Variants in DPP10 observed in about 807,000 individuals in gnomAD.
DPP10 encodes the protein inactive dipeptidyl peptidase 10.
Under a neutral mutation model 120.9 loss-of-function variants are expected in DPP10, and 33 were observed. The observed-to-expected ratio is 0.27, with a 90% CI of 0.21 to 0.37. The LOEUF is 0.37. Ranked by LOEUF, DPP10 falls within the 10% of genes least tolerant of loss-of-function variation. The pLI is 1.00. For synonymous variants in DPP10, 337 were observed against 326.1 expected, an observed-to-expected ratio of 1.03 and a Z score of -0.36; for missense variants, 816 against 942.8, an observed-to-expected ratio of 0.87 and a Z score of 1.76.
chr2:115,316,182 C>T (rs1351364342), intron 2 of DPP10, among the ~76,000 whole-genome samples: 2 of 152,034 alleles, frequency 1.3e-5, no homozygotes, highest in Non-Finnish European at 2.9e-5. Context: ...TGCATAGATA[C>T]TATTCATTTA....
At chr2:115,098,268 G>A (rs900397326) in intron 1 of DPP10, among the ~76,000 whole-genome samples, 1 of 152,158 alleles carries the variant, frequency 6.6e-6, no homozygotes, top group East Asian at 1.9e-4. Flanking sequence ...CCTAATGAGA[G>A]AAATAGATGG....
intron 1 of DPP10, among the ~76,000 whole-genome samples, chr2:114,702,123 G>A (rs1270123594): frequency 1.3e-5 from 2 of 152,106 alleles, no homozygotes; most frequent in Non-Finnish European, 2.9e-5. Flanking sequence ...ACATTAGACT[G>A]TAAGTTACAT....
intron 1 of DPP10, among the ~76,000 whole-genome samples, chr2:114,783,667 T>C (rs1223881190): frequency 6.6e-6 from 1 of 151,776 alleles, no homozygotes; most frequent in Non-Finnish European, 1.5e-5. Flanking sequence ...CGAAAACCCA[T>C]CTCTAAAAAT....
chr2:114,750,824 T>C (rs1679149192), intron 1 of DPP10, among the ~76,000 whole-genome samples: 1 of 152,208 alleles, frequency 6.6e-6, no homozygotes, highest in Admixed American at 6.5e-5. Flanking sequence ...TCACAAAGCA[T>C]TTTATCCCCT....
intron 21 of DPP10, 58 bp downstream of exon 21, chr2:115,815,787 C>A: frequency 1.0e-5 from 15 of 1,455,460 alleles, no homozygotes; most frequent in South Asian, 1.2e-5. Context: ...ATGTAATATC[C>A]TATTACACAT....
intron 1 of DPP10, among the ~76,000 whole-genome samples, chr2:114,959,236 A>G (rs1367359834): frequency 6.6e-6 from 1 of 152,156 alleles, no homozygotes; most frequent in Non-Finnish European, 1.5e-5. Context: ...AAAGTGTACA[A>G]TTCACTAGTT....
intron 1 of DPP10, among the ~76,000 whole-genome samples, chr2:114,710,200 G>T (rs1364548045): frequency 6.6e-6 from 1 of 152,192 alleles, no homozygotes. Flanking sequence ...ACATACCTAT[G>T]CTTAATTCAA....
chr2:115,233,627 C>A (rs185090318), intron 1 of DPP10, among the ~76,000 whole-genome samples: 23 of 152,240 alleles, frequency 1.5e-4, no homozygotes, highest in African/African-American at 5.3e-4. Context: ...GATAGTTTTT[C>A]TTAGGGACTC....
At chr2:114,857,874 T>G (rs991248843) in intron 1 of DPP10, among the ~76,000 whole-genome samples, 2 of 152,200 alleles carry the variant, frequency 1.3e-5, no homozygotes, top group Non-Finnish European at 2.9e-5. Flanking sequence ...CCACCCTAGG[T>G]TGATAGCACA....
intron 1 of DPP10, among the ~76,000 whole-genome samples, chr2:115,012,782 A>T (rs535530754): frequency 6.6e-6 from 1 of 152,270 alleles, no homozygotes; most frequent in East Asian, 1.9e-4. Flanking sequence ...CCTCCAAAAG[A>T]TCATGCCAGC....
At chr2:115,152,060 C>T (rs1487249106) in intron 1 of DPP10, among the ~76,000 whole-genome samples, 1 of 151,830 alleles carries the variant, frequency 6.6e-6, no homozygotes, top group African/African-American at 2.4e-5. Context: ...TGTCCTTTAG[C>T]TTATTTTAAA....
chr2:114,524,555 T>C (rs1191971961), intron 1 of DPP10, among the ~76,000 whole-genome samples: 1 of 152,218 alleles, frequency 6.6e-6, no homozygotes, highest in Non-Finnish European at 1.5e-5. Context: ...AAAAGATGTA[T>C]ATATCAAGTG....
At chr2:115,007,657 T>C (rs2105058785) in intron 1 of DPP10, among the ~76,000 whole-genome samples, 1 of 151,896 alleles carries the variant, frequency 6.6e-6, no homozygotes, top group East Asian at 1.9e-4. Flanking sequence ...GCAGACGACA[T>C]GATTGTATAT....
chr2:115,219,121 T>A (rs913116827), intron 1 of DPP10, among the ~76,000 whole-genome samples: 2 of 152,112 alleles, frequency 1.3e-5, no homozygotes, highest in Admixed American at 6.6e-5. Flanking sequence ...CAGAGTTACA[T>A]TTGAATGAAA....
At chr2:114,547,054 C>T (rs553081743) in intron 1 of DPP10, among the ~76,000 whole-genome samples, 36 of 152,362 alleles carry the variant, frequency 2.4e-4, no homozygotes, top group Middle Eastern at 3.4e-3. Flanking sequence ...CTTCATTGCA[C>T]ACAGCTGTGT....
At chr2:115,006,746 T>G (rs1701875338) in intron 1 of DPP10, among the ~76,000 whole-genome samples, 3 of 152,016 alleles carry the variant, frequency 2.0e-5, no homozygotes, top group African/African-American at 7.3e-5. Context: ...AAAAGAGACT[T>G]AGACTCCCAC....
intron 3 of DPP10, among the ~76,000 whole-genome samples, chr2:115,359,470 G>A (rs1559481083): frequency 6.6e-6 from 1 of 151,918 alleles, no homozygotes; most frequent in Non-Finnish European, 1.5e-5. Flanking sequence ...TGTTTGTAAG[G>A]CTTCTGATGA....
intron 1 of DPP10, among the ~76,000 whole-genome samples, chr2:114,796,552 T>C (rs1683732569): frequency 6.6e-6 from 1 of 152,154 alleles, no homozygotes; most frequent in African/African-American, 2.4e-5. Flanking sequence ...AGTATGCTAT[T>C]AATATTTAAG....
At chr2:114,581,435 G>A (rs1266540509) in intron 1 of DPP10, among the ~76,000 whole-genome samples, 1 of 151,786 alleles carries the variant, frequency 6.6e-6, no homozygotes, top group Non-Finnish European at 1.5e-5. Flanking sequence ...AGCCCACCTC[G>A]GCCTCCCAAA....
Sources: allele counts gnomAD v4.1 joint callset (sites outside exome capture counted in the v4.1 genomes callset), GRCh38; gene constraint gnomAD v4.1.1; transcripts MANE v1.5; gene names NCBI Gene and HGNC (gene_info 2026-07-23, HGNC 2026-07-21).